CBFA2T3: variants seen among roughly 807,000 people sequenced by gnomAD.
The protein encoded by CBFA2T3 is transcriptional corepressor CBFA2T3.
In CBFA2T3, 31 loss-of-function variants were observed where a neutral mutation model predicts 58.6. The observed-to-expected ratio is 0.53, with a 90% CI of 0.40 to 0.71. CBFA2T3 has a LOEUF of 0.71. Among genes scored for constraint, CBFA2T3 ranks in the 30% least tolerant of loss-of-function variants. The pLI is 0.00. For synonymous variants in CBFA2T3, 531 were observed against 421.9 expected (o/e 1.26, Z -3.17); for missense variants, 1,076 against 963.1 (o/e 1.12, Z -1.55).
intron 1 of CBFA2T3, among the ~76,000 whole-genome samples, chr16:88,917,208 C>T (rs994928351): frequency 7.2e-5 from 11 of 152,238 alleles, no homozygotes; most frequent in African/African-American, 2.7e-4. Flanking sequence ...TGCACAGCCA[C>T]ATGCCTGGAC....
At chr16:88,949,597 G>A (rs1971994742) in intron 1 of CBFA2T3, among the ~76,000 whole-genome samples, 1 of 151,880 alleles carries the variant, frequency 6.6e-6, no homozygotes, top group South Asian at 2.1e-4. Flanking sequence ...GATGGGCTGG[G>A]AGTGGGTGTG....
intron 1 of CBFA2T3, among the ~76,000 whole-genome samples, chr16:88,963,849 G>A (rs1373416759): frequency 1.3e-5 from 2 of 152,236 alleles, no homozygotes; most frequent in Admixed American, 6.5e-5. Context: ...GTCCGTGCAC[G>A]TCTGAGGCAG....
At chr16:88,919,838 C>T (rs752696650) in intron 1 of CBFA2T3, among the ~76,000 whole-genome samples, 1 of 152,214 alleles carries the variant, frequency 6.6e-6, no homozygotes, top group African/African-American at 2.4e-5. Context: ...CATCAGACCC[C>T]GCCCCACACT....
At chr16:88,919,759 G>T (rs1052511816) in intron 1 of CBFA2T3, among the ~76,000 whole-genome samples, 1 of 152,154 alleles carries the variant, frequency 6.6e-6, no homozygotes, top group African/African-American at 2.4e-5. Flanking sequence ...CCTACAAGAG[G>T]AACTGTTGGA....
At chr16:88,881,640 C>A in intron 8 of CBFA2T3, 151 bp from the exon 9 acceptor site, 1 of 732,200 alleles carries the variant, frequency 1.4e-6, no homozygotes, top group African/African-American at 1.8e-5. Context: ...GGCCCACCTC[C>A]ATGGCTTGCA....
Position 88,960,339 on chromosome 16 carries a change from C to T in CBFA2T3, c.151+16318G>A, listed in dbSNP as rs747705346. Among the ~76,000 whole-genome samples the T allele has an allele frequency of 7.2e-5, 11 of 152,128 alleles. No individual in the cohort carries two copies. The South Asian group carries it at 1.2e-3, about 17-fold the overall frequency. ...GAACTCACGGGGCCAGGTGCCAGGT[C>T]GACGGGGTTATGGGTGCAGAGGCTG... On this transcript the variant is annotated intron_variant, in intron 1 of 11. Transcript: ENST00000268679.
chr16:88,899,956 G>A (rs143855521), intron 2 of CBFA2T3, among the ~76,000 whole-genome samples: 255 of 152,296 alleles, frequency 1.7e-3, no homozygotes, highest in African/African-American at 5.8e-3. Flanking sequence ...GTACCAGACC[G>A]GAGGGCTCTT....
intron 1 of CBFA2T3, among the ~76,000 whole-genome samples, chr16:88,903,357 G>T (rs577536532): frequency 3.8e-4 from 58 of 152,336 alleles, no homozygotes; most frequent in African/African-American, 1.3e-3. Flanking sequence ...CTCCAGGCAG[G>T]AGTGGAGCAG....
intron 1 of CBFA2T3, among the ~76,000 whole-genome samples, chr16:88,935,387 G>A (rs1426900052): frequency 6.6e-6 from 1 of 152,238 alleles, no homozygotes; most frequent in Admixed American, 6.5e-5. Flanking sequence ...GACCCTGGTG[G>A]TGCAGAAATA....
At chr16:88,897,390 C>T (rs544874665) in intron 3 of CBFA2T3, among the ~76,000 whole-genome samples, 23 of 152,334 alleles carry the variant, frequency 1.5e-4, no homozygotes, top group East Asian at 5.8e-4. Flanking sequence ...AGTGATGGAC[C>T]GGAGTCTGTC....
intron 5 of CBFA2T3, among the ~76,000 whole-genome samples, chr16:88,890,905 G>A (rs1443671658): frequency 1.3e-5 from 2 of 152,104 alleles, no homozygotes; most frequent in South Asian, 2.1e-4. Flanking sequence ...GTAGAGATGG[G>A]GTCTAGCTGT....
In CBFA2T3 at chr16:88,912,347, G is replaced by A. The variant is rs575791181; in HGVS notation, c.152-10691C>T. On this transcript the variant is annotated intron_variant, in intron 1 of 11. Transcript: ENST00000268679. ...TGTGCTGTGCGTCCTGGGGCCAGAT[G>A]GGGACAGATGGGCTGGGGGTCTCTC... Among the ~76,000 whole-genome samples, 8 of 152,334 alleles carry A rather than the reference G, an allele frequency of 5.3e-5. 1 individual carries two copies. The highest frequency in any genetic ancestry group is 1.7e-4 in the African/African-American group (7 of 41,574).
In CBFA2T3 at chr16:88,903,646, G is replaced by C. The variant is rs559297896; in HGVS notation, c.152-1990C>G. Among the ~76,000 whole-genome samples, 530 of 137,896 alleles carry C rather than the reference G, an allele frequency of 3.8e-3. 8 individuals carry two copies. The highest frequency in any genetic ancestry group is 0.014 in the African/African-American group (501 of 36,962). The allele number at this position is 137,896 out of a possible 152,430, so 90.5% of individuals were successfully genotyped here. On this transcript the variant is annotated intron_variant, in intron 1 of 11. Transcript: ENST00000268679. ...ATGTGGCAGGGTGTTCCTGTGGTGG[G>C]GGTGTTCCCGGCTGGGGGGGGGGGC... is the stretch of plus-strand genomic sequence containing the variant.
intron 1 of CBFA2T3, among the ~76,000 whole-genome samples, chr16:88,916,382 G>C (rs1337274736): frequency 6.6e-6 from 1 of 151,996 alleles, no homozygotes; most frequent in African/African-American, 2.4e-5. Flanking sequence ...ACATACATGG[G>C]GGTGTATGTA....
Position 88,886,051 on chromosome 16 carries a change from A to G in CBFA2T3, c.803T>C (p.Leu268Pro). The change falls in exon 6 of 12, where the codon CTC becomes CCC. Residue 268 changes from leucine to proline, a missense_variant. Physicochemically the swap from Leu to Pro is moderately conservative, Grantham distance 98 (BLOSUM62 -3). Coordinates refer to ENST00000268679, the MANE Select transcript of CBFA2T3 (RefSeq NM_005187.6). The stretch of plus-strand genomic sequence containing the variant: ...GGAGGAGGCGCTGGCGTCCAGCAGG[A>G]GCTGCTCATGCTGGGCCAAGTACTG... ...PAQYLAQHEQ[L>P]LLDASASSPI... The G allele has an allele frequency of 6.3e-7, 1 of 1,585,804 alleles. No individual in the cohort carries two copies. The highest frequency in any genetic ancestry group is 8.5e-7 in the Non-Finnish European group (1 of 1,170,530).
At chr16:88,910,752 G>A (rs970369999) in intron 1 of CBFA2T3, among the ~76,000 whole-genome samples, 18 of 152,220 alleles carry the variant, frequency 1.2e-4, no homozygotes, top group Admixed American at 3.3e-4. Flanking sequence ...ACCAGCATCA[G>A]ACCTGGGGCT....
At position 88,946,640 on chromosome 16, in the gene CBFA2T3, G is replaced by A. The variant is rs149671938; in HGVS notation, c.151+30017C>T. 1.8e-3 allele frequency among the ~76,000 whole-genome samples: 273 copies of A among 151,864 alleles called. 2 individuals carry two copies. Among genetic ancestry groups the A allele is most frequent in the African/African-American group, 5.9e-3 (245 of 41,392 alleles). On this transcript the variant is annotated intron_variant, in intron 1 of 11. Transcript: ENST00000268679. Reference sequence around the variant, plus strand: ...TGGGATTACAGGCGCCCACCATCACGCCCAGCTAATTTTTGTATTTTTAGT... The same window carrying A: ...TGGGATTACAGGCGCCCACCATCACACCCAGCTAATTTTTGTATTTTTAGT...
Position 88,909,671 on chromosome 16 carries a change from G to A in CBFA2T3, c.152-8015C>T, listed in dbSNP as rs59333997. On this transcript the variant is annotated intron_variant, in intron 1 of 11. Transcript: ENST00000268679. ...CACAGCTTCCTCTGGGAAAGGCACAGATGTGCAAAGAGGAGACCCCGAGAG... is the reference window on the plus strand; with the variant it reads ...CACAGCTTCCTCTGGGAAAGGCACAAATGTGCAAAGAGGAGACCCCGAGAG... Among the ~76,000 whole-genome samples, 1,189 of 152,270 alleles carry A rather than the reference G, an allele frequency of 7.8e-3. 8 individuals carry two copies. Among genetic ancestry groups the A allele is most frequent in the East Asian group, 0.033 (173 of 5,182 alleles).
At chr16:88,961,158 TCTAA>T (rs1972344110) in intron 1 of CBFA2T3, among the ~76,000 whole-genome samples, 1 of 152,160 alleles carries the variant, frequency 6.6e-6, no homozygotes, top group Non-Finnish European at 1.5e-5. Flanking sequence ...TCTAGAGCTT[TCTAA>T]ACCTGCTGTA....
Sources: allele counts gnomAD v4.1 joint callset (sites outside exome capture counted in the v4.1 genomes callset), GRCh38; gene constraint gnomAD v4.1.1; transcripts MANE v1.5; gene names NCBI Gene and HGNC (gene_info 2026-07-23, HGNC 2026-07-21).